The following CIT variants were observed in gnomAD, a reference collection of about 807,000 sequenced individuals.
The protein encoded by CIT is citron Rho-interacting kinase.
CIT carries 79 observed loss-of-function variants against 272.7 expected under a neutral mutation model. That is an observed-to-expected ratio of 0.29 (90% CI 0.24 to 0.35). The LOEUF is 0.35. Ranked by LOEUF, CIT falls within the 10% of genes least tolerant of loss-of-function variation. CIT has a pLI of 1.00. For synonymous variants in CIT, 948 were observed against 995.6 expected (o/e 0.95, Z 0.90); for missense variants, 1,909 against 2,618.3 (o/e 0.73, Z 5.91).
At chr12:119,841,895 G>A (rs747788619) in intron 5 of CIT, among the ~76,000 whole-genome samples, 1 of 152,088 alleles carries the variant, frequency 6.6e-6, no homozygotes, top group Non-Finnish European at 1.5e-5. Flanking sequence ...GTACATTAGG[G>A]TCTCTTTGAT....
chr12:119,794,722 G>A (rs1965590956), intron 10 of CIT, among the ~76,000 whole-genome samples: 1 of 152,202 alleles, frequency 6.6e-6, no homozygotes, highest in Admixed American at 6.5e-5. Context: ...CTCTCAATGG[G>A]CAGAAACCAG....
rs1950830373 is a variant in CIT at position 119,875,948 on chromosome 12, A to C, written c.96+125T>G. ...GGTTGCAGTGAGCTGAGATTGCACC[A>C]CTGTACTCCAGCCTGAGAGACTGAG... On this transcript the variant is annotated intron_variant, in intron 2 of 47. Transcript: ENST00000392521. 3 of 617,676 alleles carry C rather than the reference A, an allele frequency of 4.9e-6. No homozygotes were observed. The South Asian group carries it at 6.0e-5, about 12-fold the overall frequency. 38.3% of individuals were successfully genotyped at this position (617,676 alleles called of 1,614,324 possible). A position where few individuals can be genotyped will look rare whatever the true frequency, so the allele number is the denominator to read the frequency against.
intron 3 of CIT, 37 bp downstream of exon 3, chr12:119,869,023 T>C (rs1314518554): frequency 6.2e-7 from 1 of 1,606,402 alleles, no homozygotes; most frequent in African/African-American, 1.3e-5. Context: ...TTTTTCTCTC[T>C]CAGGACAGTT....
intron 25 of CIT, among the ~76,000 whole-genome samples, chr12:119,734,563 A>G (rs1204329057): frequency 6.6e-6 from 1 of 152,168 alleles, no homozygotes; most frequent in African/African-American, 2.4e-5. Flanking sequence ...GATCCAAAGC[A>G]AAGCCAGGGG....
intron 26 of CIT, among the ~76,000 whole-genome samples, chr12:119,733,654 G>A (rs780997224): frequency 1.2e-4 from 19 of 152,258 alleles, no homozygotes; most frequent in Admixed American, 5.9e-4. Flanking sequence ...TTGTCACAAC[G>A]TGGGAAGGGG....
At position 119,687,739 on chromosome 12, in the gene CIT, A is replaced by G. The variant is rs1400754894; in HGVS notation, c.*493T>C. 1 of 154,692 alleles carries G rather than the reference A, an allele frequency of 6.5e-6. No homozygotes were observed. The highest frequency in any genetic ancestry group is 1.4e-5 in the Non-Finnish European group (1 of 70,002). The allele number at this position is 154,692 out of a possible 1,614,324, so 9.6% of individuals were successfully genotyped here. A position where few individuals can be genotyped will look rare whatever the true frequency, so the allele number is the denominator to read the frequency against. On this transcript the variant is annotated 3_prime_UTR_variant, in exon 48 of 48. Transcript: ENST00000392521. ...ACCTGATGATGTGGTCGAGCTAAAAATGACTACAACAGGAAATACGTCGCT... is the reference window on the plus strand; with the variant it reads ...ACCTGATGATGTGGTCGAGCTAAAAGTGACTACAACAGGAAATACGTCGCT...
At chr12:119,844,266 C>T (rs1208699884) in intron 5 of CIT, among the ~76,000 whole-genome samples, 5 of 152,088 alleles carry the variant, frequency 3.3e-5, no homozygotes, top group Non-Finnish European at 7.4e-5. Flanking sequence ...AGGTTATCCG[C>T]TCGCCTCGGC....
chr12:119,852,312 C>T (rs1415617979), intron 4 of CIT, among the ~76,000 whole-genome samples: 1 of 152,150 alleles, frequency 6.6e-6, no homozygotes, highest in African/African-American at 2.4e-5. Flanking sequence ...TTGTCAAGGT[C>T]ATGAGAGTCC....
Position 119,825,230 on chromosome 12 carries a change from A to T in CIT, c.892T>A (p.Tyr298Asn). 1 of 1,614,136 alleles carries T rather than the reference A, an allele frequency of 6.2e-7. No homozygotes were observed. Among genetic ancestry groups the T allele is most frequent in the Non-Finnish European group, 8.5e-7 (1 of 1,180,014 alleles). ...SVGVIAYEMI[Y>N]GRSPFAEGTS... Reference sequence around the variant, plus strand: ...CCCTCTGCGAAGGGGGATCTCCCATAAATCATCTCATAGGCAATCACGCCC... The same window carrying T: ...CCCTCTGCGAAGGGGGATCTCCCATTAATCATCTCATAGGCAATCACGCCC... Residue 298 changes from tyrosine (Y) to asparagine (N), a missense_variant, in exon 8 of 48, where the codon TAT becomes AAT. Coordinates refer to ENST00000392521, the MANE Select transcript of CIT (RefSeq NM_001206999.2).
chr12:119,856,579 T>C (rs1225348793), intron 4 of CIT, among the ~76,000 whole-genome samples: 1 of 151,738 alleles, frequency 6.6e-6, no homozygotes, highest in East Asian at 1.9e-4. Context: ...TTGCATAGCA[T>C]TCTAGTACTC....
chr12:119,749,122 C>T (rs140063973), intron 23 of CIT, among the ~76,000 whole-genome samples: 1,794 of 152,318 alleles, frequency 0.012, 17 homozygotes, highest in Non-Finnish European at 0.017. Context: ...CAAGACCCTT[C>T]AGTCGAGAGC....
chr12:119,745,292 G>C (rs1959201125), intron 23 of CIT, among the ~76,000 whole-genome samples: 2 of 144,700 alleles, frequency 1.4e-5, no homozygotes, highest in South Asian at 2.2e-4. Context: ...CACCAAGATG[G>C]GGAGAAGGAG....
intron 28 of CIT, among the ~76,000 whole-genome samples, chr12:119,723,397 T>TAAA (rs869077083): frequency 2.4e-5 from 1 of 40,828 alleles, no homozygotes; most frequent in African/African-American, 7.9e-5. Flanking sequence ...CCCTATACAT[T>TAAA]AAAAAAAAAA....
chr12:119,726,479 G>A (rs1176960184), intron 28 of CIT, among the ~76,000 whole-genome samples: 2 of 135,112 alleles, frequency 1.5e-5, no homozygotes, highest in East Asian at 2.3e-4. Flanking sequence ...CAATCCTCAC[G>A]CCTCAGCCAC....
chr12:119,767,929 T>TA (rs1465466102), intron 18 of CIT, among the ~76,000 whole-genome samples: 3 of 151,150 alleles, frequency 2.0e-5, no homozygotes, highest in East Asian at 1.9e-4. Context: ...TTTTTTTTTT[T>TA]AGACGGATTT....
chr12:119,701,218 AG>A (rs1956546580), intron 43 of CIT, among the ~76,000 whole-genome samples: 2 of 37,390 alleles, frequency 5.3e-5, no homozygotes, highest in African/African-American at 1.7e-4. Context: ...GGGGAGGGGG[AG>A]GGGAGGGAGG....
intron 16 of CIT, among the ~76,000 whole-genome samples, chr12:119,773,208 A>G (rs975298838): frequency 4.6e-5 from 7 of 152,134 alleles, no homozygotes; most frequent in African/African-American, 1.7e-4. Flanking sequence ...TTCTTGGGGT[A>G]TATAAGATAA....
At position 119,688,032 on chromosome 12, in the gene CIT, C is replaced by T. The variant is rs12425960; in HGVS notation, c.*200G>A. On this transcript the variant is annotated 3_prime_UTR_variant, in exon 48 of 48. Transcript: ENST00000392521. The stretch of plus-strand genomic sequence containing the variant: ...GCAGGGAGGTGCCCAGGGCAGGCAC[C>T]GGGCGCTGACAGCTCCGAAGAGCCT... 4.1e-3 allele frequency: 2,518 copies of T among 618,840 alleles called. 90 individuals carry two copies. The Admixed American group carries it at 0.067, about 16-fold the overall frequency. The allele number at this position is 618,840 out of a possible 1,614,324, so 38.3% of individuals were successfully genotyped here.
At position 119,728,455 on chromosome 12, in the gene CIT, GAA is replaced by G; in HGVS notation, c.3591+45_3591+46del. ...TCCAAAAAAAAGAAGCCTATTAAAA[GAA>G]AAAAAAAATCCACTTGGCCCTTCTC... On this transcript the variant is annotated intron_variant, in intron 28 of 47. Transcript: ENST00000392521. The surrounding 1 kb of genome is among the most constrained non-coding windows in gnomAD (Gnocchi z 4.3). The G allele has an allele frequency of 8.2e-7, 1 of 1,214,280 alleles. No homozygotes were observed. Among genetic ancestry groups the G allele is most frequent in the Non-Finnish European group, 1.2e-6 (1 of 858,784 alleles). 75.2% of individuals were successfully genotyped at this position (1,214,280 alleles called of 1,614,324 possible).
Sources: gnomAD v4.1 joint callset for allele counts (sites outside exome capture counted in the v4.1 genomes callset) on GRCh38, gnomAD v4.1.1 for gene constraint, Gnocchi (gnomAD v3.1) non-coding constraint, MANE v1.5 for transcripts, NCBI Gene and HGNC (gene_info 2026-07-23, HGNC 2026-07-21) for gene names.